Variants in DENND2B observed in about 807,000 individuals in gnomAD.
DENND2B encodes DENN domain containing 2B, also known as DENN domain-containing protein 2B.
A neutral mutation model predicts 116.0 loss-of-function variants in DENND2B; 32 were observed. That is an observed-to-expected ratio of 0.28 (90% CI 0.21 to 0.37). The LOEUF (loss-of-function observed/expected upper bound fraction) is 0.37. DENND2B is among the 10% of genes least tolerant of loss of function. DENND2B has a pLI of 1.00. For synonymous variants in DENND2B, 588 were observed against 583.9 expected (o/e 1.01, Z -0.10); for missense variants, 1,276 against 1,477.7 (o/e 0.86, Z 2.24).
At chr11:8,823,649 T>C (rs548062591) in intron 4 of DENND2B, among the ~76,000 whole-genome samples, 1 of 152,180 alleles carries the variant, frequency 6.6e-6, no homozygotes, top group African/African-American at 2.4e-5. Context: ...TTCTCTCTCC[T>C]GCCACCCTGT....
At position 8,731,098 on chromosome 11, in the gene DENND2B, C is replaced by T; in HGVS notation, c.192G>A (p.Arg64=). 4.3e-6 allele frequency: 7 copies of T among 1,609,504 alleles called. No individual in the cohort carries two copies. The highest frequency in any genetic ancestry group is 1.1e-5 in the South Asian group (1 of 90,592). Residue 64 remains arginine, a synonymous_variant, in exon 3 of 20, where the codon CGG becomes CGA. Transcript: ENST00000313726. Reference sequence around the variant, plus strand: ...GGGGGTGCCGGTCCTTGAGGAGCACCCGGGAGCTGGAGTGGCTGGGGTACC... The same window carrying T: ...GGGGGTGCCGGTCCTTGAGGAGCACTCGGGAGCTGGAGTGGCTGGGGTACC... ...ACRYPSHSSS[R]VLLKDRHPPA...
Position 8,717,859 on chromosome 11 carries a change from A to C in DENND2B, c.1511T>G (p.Val504Gly). The change falls in exon 5 of 20, where the codon GTG becomes GGG. Residue 504 changes from valine to glycine, a missense_variant. Physicochemically the swap from Val to Gly is moderately radical, Grantham distance 109. This residue lies in a region of DENND2B where 856 missense variants were observed against 846.6 expected (regional missense o/e 1.01). Coordinates refer to ENST00000313726, the MANE Select transcript of DENND2B (RefSeq NM_213618.2). ...TCCTGCTCTTCGGCTCTTTAAGTCCACATCCTCATATGGATTCTCCTTGGG... is the reference window on the plus strand; with the variant it reads ...TCCTGCTCTTCGGCTCTTTAAGTCCCCATCCTCATATGGATTCTCCTTGGG... ...DLPKENPYED[V>G]DLKSRRAGRK... 1 of 1,613,088 alleles carries C rather than the reference A, an allele frequency of 6.2e-7. No individual in the cohort carries two copies. The highest frequency in any genetic ancestry group is 8.5e-7 in the Non-Finnish European group (1 of 1,179,472).
At chr11:8,905,853 T>C (rs1480165107) in intron 1 of DENND2B, among the ~76,000 whole-genome samples, 1 of 151,966 alleles carries the variant, frequency 6.6e-6, no homozygotes, top group Non-Finnish European at 1.5e-5. Context: ...AAGAATGAAG[T>C]ATTGATACAT....
At chr11:8,718,096 A>ACCCCCC in intron 4 of DENND2B, 2 of 65,008 alleles carry the variant, frequency 3.1e-5, no homozygotes, top group Non-Finnish European at 5.7e-5. Context: ...AAGCAGACCC[A>ACCCCCC]CCCCCCCACC....
chr11:8,730,289 G>T lies in DENND2B; in HGVS notation c.1001C>A (p.Ala334Asp). The change falls in exon 3 of 20, where the codon GCT (alanine) becomes GAT (aspartate). Residue 334 changes from alanine to aspartate, a missense_variant. Around this residue, in one of 2 missense-constraint regions of DENND2B, gnomAD observed 856 missense variants for 846.6 expected, o/e 1.01. Coordinates refer to ENST00000313726, the MANE Select transcript of DENND2B (RefSeq NM_213618.2). The surrounding 1 kb of genome is among the most constrained non-coding windows in gnomAD (Gnocchi z 4.1). ...AGCCACTCCGACTGCCCGGCTGCCA[G>T]CGCTCACACTCGCGCCCCCTGCCGG... ...EEPAGGASVS[A>D]GSRAVGVAGV... is the part of the protein sequence containing the mutation. 1 of 1,608,124 alleles carries T rather than the reference G, an allele frequency of 6.2e-7. No homozygotes were observed. Among genetic ancestry groups the T allele is most frequent in the East Asian group, 2.2e-5 (1 of 44,866 alleles).
intron 16 of DENND2B, 51 bp from the exon 17 acceptor site, chr11:8,697,687 A>G: frequency 8.1e-7 from 1 of 1,240,448 alleles, no homozygotes; most frequent in Non-Finnish European, 1.2e-6. Context: ...CTGAGCACTT[A>G]CTATGTGCTA....
intron 1 of DENND2B, among the ~76,000 whole-genome samples, chr11:8,890,584 C>T (rs992471748): frequency 5.9e-5 from 9 of 152,206 alleles, no homozygotes; most frequent in South Asian, 2.1e-4. Context: ...ATGAGAACTA[C>T]GTGATGAATG....
At chr11:8,889,492 G>A (rs2064000451) in intron 1 of DENND2B, among the ~76,000 whole-genome samples, 1 of 152,216 alleles carries the variant, frequency 6.6e-6, no homozygotes, top group Non-Finnish European at 1.5e-5. Context: ...CCCTTTCCTA[G>A]CCAAGGGAAG....
chr11:8,774,863 G>GTT (rs764878186), intron 1 of DENND2B, among the ~76,000 whole-genome samples: 4 of 137,838 alleles, frequency 2.9e-5, no homozygotes, highest in African/African-American at 8.8e-5. Context: ...TATTTTTTTC[G>GTT]TTTTTTTTTT....
At chr11:8,719,744 G>A (rs2045819125) in intron 4 of DENND2B, among the ~76,000 whole-genome samples, 3 of 152,200 alleles carry the variant, frequency 2.0e-5, no homozygotes, top group Non-Finnish European at 4.4e-5. Flanking sequence ...GAGAATGCCA[G>A]GACACAGTCT....
intron 1 of DENND2B, among the ~76,000 whole-genome samples, chr11:8,802,793 TA>T (rs1462698202): frequency 6.6e-6 from 1 of 152,216 alleles, no homozygotes; most frequent in Non-Finnish European, 1.5e-5. Context: ...AAACATCTGT[TA>T]ACCAAAATTT....
chr11:8,814,240 C>T (rs541810621), upstream of DENND2B, among the ~76,000 whole-genome samples: 11 of 147,676 alleles, frequency 7.4e-5, no homozygotes, highest in South Asian at 2.4e-3. Flanking sequence ...TCTCCCCTCA[C>T]AAAGTCATTA....
At chr11:8,828,776 G>A (rs77744391) in intron 4 of DENND2B, among the ~76,000 whole-genome samples, 1 of 152,158 alleles carries the variant, frequency 6.6e-6, no homozygotes, top group Non-Finnish European at 1.5e-5. Flanking sequence ...GCTTTGCTGC[G>A]GTCATGTCTG....
At chr11:8,772,128 TACACACACAC>T (rs143227157) in intron 1 of DENND2B, among the ~76,000 whole-genome samples, 1 of 147,160 alleles carries the variant, frequency 6.8e-6, no homozygotes, top group Admixed American at 6.8e-5. Flanking sequence ...ATGGAAGCTC[TACACACACAC>T]ACACACACAC....
intron 1 of DENND2B, among the ~76,000 whole-genome samples, chr11:8,783,703 A>C (rs2058619680): frequency 6.6e-6 from 1 of 152,232 alleles, no homozygotes; most frequent in South Asian, 2.1e-4. Context: ...AGTTAATTTC[A>C]CGCAAAAAGA....
intron 1 of DENND2B, among the ~76,000 whole-genome samples, chr11:8,798,002 T>C (rs1459833943): frequency 6.6e-6 from 1 of 152,226 alleles, no homozygotes; most frequent in Non-Finnish European, 1.5e-5. Flanking sequence ...CGGCTTCTTC[T>C]CATCCTTGAG....
At position 8,891,628 on chromosome 11, in the gene DENND2B, T is replaced by C. The variant is rs1336033213; in HGVS notation, c.-255-10519A>G. Reference sequence around the variant, plus strand: ...AAAACATACTTTAAACCAACAAAGATCAAAAGAGACAAAGAAGGCCATTAC... The same window carrying C: ...AAAACATACTTTAAACCAACAAAGACCAAAAGAGACAAAGAAGGCCATTAC... On this transcript the variant is annotated intron_variant, in intron 1 of 22. Coordinates refer to the DENND2B transcript ENST00000534127. Among the ~76,000 whole-genome samples the C allele has an allele frequency of 2.6e-5, 4 of 151,958 alleles. No homozygotes were observed. In the East Asian group the frequency reaches 7.7e-4, roughly 29 times the overall value.
At chr11:8,769,730 C>G (rs969450889) in intron 1 of DENND2B, among the ~76,000 whole-genome samples, 2 of 152,194 alleles carry the variant, frequency 1.3e-5, no homozygotes, top group African/African-American at 4.8e-5. Context: ...ATGCAAATGC[C>G]TACCACCCAG....
At position 8,711,226 on chromosome 11, in the gene DENND2B, G is replaced by A. The variant is rs779811605; in HGVS notation, c.2178C>T (p.Asp726=). ...PEVSYQFPKL[D]RPTKQMREAE... ...CCTCTCGCATCTGCTTGGTGGGTCG[G>A]TCCAGCTGCAGGGAAGAAGGAACCA... The change falls in exon 10 of 20, where the codon GAC becomes GAT. Residue 726 remains aspartate, a synonymous_variant. Transcript: ENST00000313726. The A allele has an allele frequency of 4.4e-5, 71 of 1,613,578 alleles. No homozygotes were observed. Among genetic ancestry groups the A allele is most frequent in the Admixed American group, 8.3e-5 (5 of 59,990 alleles).
Sources: gnomAD v4.1 joint callset for allele counts (sites outside exome capture counted in the v4.1 genomes callset) on GRCh38, gnomAD v4.1.1 for gene constraint, gnomAD v4.1.1 regional missense constraint, Gnocchi (gnomAD v3.1) non-coding constraint, MANE v1.5 for transcripts, NCBI Gene and HGNC (gene_info 2026-07-23, HGNC 2026-07-21) for gene names.